The following GRID2 variants were observed in gnomAD, a reference collection of about 807,000 sequenced individuals.
GRID2 encodes glutamate ionotropic receptor delta type subunit 2, also known as glutamate receptor ionotropic, delta-2.
In GRID2, 33 loss-of-function variants were observed where a neutral mutation model predicts 114.8. That is an observed-to-expected ratio of 0.29 (90% confidence interval 0.22 to 0.38). The LOEUF (loss-of-function observed/expected upper bound fraction) is 0.38. Ranked by LOEUF, GRID2 falls within the 10% of genes least tolerant of loss-of-function variation. The pLI is 1.00. For missense variants in GRID2, 1,184 were observed against 1,257.7 expected, an observed-to-expected ratio of 0.94 and a Z score of 0.89; for synonymous variants, 505 against 449.9, an observed-to-expected ratio of 1.12 and a Z score of -1.55.
At chr4:92,338,833 A>G (rs1442926467) in intron 1 of GRID2, among the ~76,000 whole-genome samples, 1 of 152,100 alleles carries the variant, frequency 6.6e-6, no homozygotes, top group African/African-American at 2.4e-5. Flanking sequence ...GACTCCTAAA[A>G]CATAAATCTA....
At chr4:92,688,065 T>TTTTTTTTTTTTTTTTTTTTTTC (rs1734006549) in intron 2 of GRID2, among the ~76,000 whole-genome samples, 1 of 140,960 alleles carries the variant, frequency 7.1e-6, no homozygotes, top group Non-Finnish European at 1.5e-5. Flanking sequence ...TTTTTTTTTT[T>TTTTTTTTTTTTTTTTTTTTTTC]TGGGATGGAG....
At chr4:93,625,918 A>AAAAAAC (rs1560834561) in intron 13 of GRID2, among the ~76,000 whole-genome samples, 2 of 143,014 alleles carry the variant, frequency 1.4e-5, no homozygotes, top group Non-Finnish European at 3.0e-5. Context: ...CCGTCTCAGA[A>AAAAAAC]AAAACAAAAC....
chr4:92,836,074 T>C (rs1224770463), intron 2 of GRID2, among the ~76,000 whole-genome samples: 1 of 152,188 alleles, frequency 6.6e-6, no homozygotes, highest in Non-Finnish European at 1.5e-5. Context: ...TATCTTCTTT[T>C]TGTAAATAGC....
chr4:93,262,047 G>C (rs965093507), intron 8 of GRID2, among the ~76,000 whole-genome samples: 1 of 151,218 alleles, frequency 6.6e-6, no homozygotes, highest in African/African-American at 2.4e-5. Flanking sequence ...AAGAAACTTG[G>C]AGAAATAAAA....
chr4:93,768,632 T>C (rs975179536), intron 14 of GRID2, among the ~76,000 whole-genome samples: 1 of 152,170 alleles, frequency 6.6e-6, no homozygotes, highest in African/African-American at 2.4e-5. Flanking sequence ...CCAAAAAAGA[T>C]GTATTTTATC....
At chr4:92,319,853 T>A (rs2110124737) in intron 1 of GRID2, among the ~76,000 whole-genome samples, 1 of 152,330 alleles carries the variant, frequency 6.6e-6, no homozygotes, top group Non-Finnish European at 1.5e-5. Context: ...TCAGGAATAA[T>A]AACAATAGCT....
intron 13 of GRID2, among the ~76,000 whole-genome samples, chr4:93,592,289 T>C (rs1254700765): frequency 6.6e-6 from 1 of 152,152 alleles, no homozygotes; most frequent in African/African-American, 2.4e-5. Flanking sequence ...AGAACATCTT[T>C]ATTTCTGCCT....
chr4:93,296,892 T>A (rs879439372), intron 8 of GRID2, among the ~76,000 whole-genome samples: 6 of 152,220 alleles, frequency 3.9e-5, no homozygotes, highest in Admixed American at 3.9e-4. Context: ...CCAGTTTGAC[T>A]TACAAGTCAA....
intron 1 of GRID2, among the ~76,000 whole-genome samples, chr4:92,345,086 C>T (rs765754529): frequency 1.3e-5 from 2 of 152,158 alleles, no homozygotes; most frequent in Non-Finnish European, 2.9e-5. Flanking sequence ...TATTCTTATA[C>T]ATTTACAACT....
intron 2 of GRID2, among the ~76,000 whole-genome samples, chr4:92,784,495 A>G (rs1470781394): frequency 6.6e-6 from 1 of 151,858 alleles, no homozygotes; most frequent in African/African-American, 2.4e-5. Flanking sequence ...AGTGAAATTC[A>G]TGAGTATATA....
At chr4:93,582,699 T>G (rs1737101031) in intron 13 of GRID2, among the ~76,000 whole-genome samples, 2 of 152,142 alleles carry the variant, frequency 1.3e-5, no homozygotes, top group Non-Finnish European at 2.9e-5. Context: ...TTACTTGTTA[T>G]GTATTTGTGT....
chr4:92,987,780 T>G (rs922271028), intron 2 of GRID2, among the ~76,000 whole-genome samples: 3 of 152,142 alleles, frequency 2.0e-5, no homozygotes, highest in Non-Finnish European at 4.4e-5. Context: ...TATATACTTG[T>G]AGAACTTGGC....
At chr4:93,589,070 C>T (rs1351924134) in intron 13 of GRID2, among the ~76,000 whole-genome samples, 1 of 151,426 alleles carries the variant, frequency 6.6e-6, no homozygotes, top group Non-Finnish European at 1.5e-5. Context: ...TATTATTATA[C>T]TTTAAGTTTT....
intron 1 of GRID2, among the ~76,000 whole-genome samples, chr4:92,306,014 G>A (rs1220947042): frequency 6.6e-6 from 1 of 152,096 alleles, no homozygotes; most frequent in Non-Finnish European, 1.5e-5. Context: ...CTTCTCCACC[G>A]CACAACACGC....
intron 14 of GRID2, among the ~76,000 whole-genome samples, chr4:93,663,774 T>G (rs1269369088): frequency 6.6e-6 from 1 of 152,182 alleles, no homozygotes; most frequent in African/African-American, 2.4e-5. Context: ...CTCTAAAACT[T>G]TGAGTGTATT....
intron 2 of GRID2, among the ~76,000 whole-genome samples, chr4:92,727,864 A>T (rs539780668): frequency 6.6e-6 from 1 of 152,220 alleles, no homozygotes; most frequent in South Asian, 2.1e-4. Context: ...ACTGATACTC[A>T]CTGATCCATA....
intron 2 of GRID2, among the ~76,000 whole-genome samples, chr4:92,598,877 A>T (rs533481598): frequency 6.6e-6 from 1 of 152,068 alleles, no homozygotes; most frequent in South Asian, 2.1e-4. Flanking sequence ...TCCCAAACAT[A>T]TTCTAGTACT....
chr4:93,662,515 C>T (rs982837961), intron 14 of GRID2, among the ~76,000 whole-genome samples: 3 of 152,140 alleles, frequency 2.0e-5, no homozygotes, highest in African/African-American at 2.4e-5. Flanking sequence ...CTTCTAAAGA[C>T]AGCACCAGAG....
chr4:92,627,525 C>T (rs2149243560), intron 2 of GRID2, among the ~76,000 whole-genome samples: 1 of 152,046 alleles, frequency 6.6e-6, no homozygotes, highest in Non-Finnish European at 1.5e-5. Flanking sequence ...TCTCTATAGC[C>T]AATTGATTCT....
Sources: allele counts gnomAD v4.1 joint callset (sites outside exome capture counted in the v4.1 genomes callset), GRCh38; gene constraint gnomAD v4.1.1; transcripts MANE v1.5; gene names NCBI Gene and HGNC (gene_info 2026-07-23, HGNC 2026-07-21).